The following TBC1D13 variants were observed in gnomAD, a reference collection of about 807,000 sequenced individuals.
The protein encoded by TBC1D13 is TBC1 domain family member 13.
TBC1D13 carries 40 observed loss-of-function variants against 53.6 expected under a neutral mutation model. That is an observed-to-expected ratio of 0.75 (90% CI 0.58 to 0.97). TBC1D13 has a LOEUF of 0.97. Among genes scored for constraint, TBC1D13 ranks in the 50% least tolerant of loss-of-function variants. The probability of loss-of-function intolerance (pLI) is 0.00; values close to 1 mark genes in which losing one functional copy is unlikely to be tolerated. For missense variants in TBC1D13, 377 were observed against 499.4 expected (o/e 0.75, Z 2.34); for synonymous variants, 182 against 197.7 (o/e 0.92, Z 0.67).
chr9:128,806,173 G>A (rs1829829033), intron 10 of TBC1D13, 81 bp from the exon 11 acceptor site: 2 of 1,607,696 alleles, frequency 1.2e-6, no homozygotes, highest in Non-Finnish European at 1.7e-6. Flanking sequence ...CCAAACTTGA[G>A]GTGGGTAGGG....
chr9:128,795,511 A>C lies in TBC1D13; in HGVS notation c.384-1544A>C, dbSNP rs561502820. ...AGTCTCACTCTGTCACCCAGGCTGG[A>C]GTGCGGTGGCACGATCTTGGCTCAC... On this transcript the variant is annotated intron_variant, in intron 6 of 11. Transcript: ENST00000372648. Among the ~76,000 whole-genome samples, 27 of 125,114 alleles carry C rather than the reference A, an allele frequency of 2.2e-4. No individual in the cohort carries two copies. The East Asian group carries it at 6.1e-3, about 28-fold the overall frequency. 82.1% of individuals were successfully genotyped at this position (125,114 alleles called of 152,430 possible).
At chr9:128,791,085 A>G (rs1276685645) in intron 3 of TBC1D13, among the ~76,000 whole-genome samples, 4 of 152,196 alleles carry the variant, frequency 2.6e-5, no homozygotes, top group Admixed American at 6.5e-5. Context: ...TCAGGTGGCC[A>G]TGGAAGCCCA....
Position 128,808,454 on chromosome 9 carries a change from T to TGTGTGTGTGTTA in TBC1D13, c.*577_*578insGTGTGTGTTAGT, listed in dbSNP as rs1829884704. On this transcript the variant is annotated 3_prime_UTR_variant, in exon 12 of 12. Transcript: ENST00000372648. ...GTGTGTGTGTGTGTGTGTGTGTGTG[T>TGTGTGTGTGTTA]GTTAGGGAGTGAGGGTCTCTCAGGC... 5.9e-6 allele frequency: 1 copy of TGTGTGTGTGTTA among 168,252 alleles called. No individual in the cohort carries two copies. Among genetic ancestry groups the TGTGTGTGTGTTA allele is most frequent in the African/African-American group, 2.4e-5 (1 of 41,136 alleles). The allele number at this position is 168,252 out of a possible 1,614,324, so 10.4% of individuals were successfully genotyped here. A position where few individuals can be genotyped will look rare whatever the true frequency, so the allele number is the denominator to read the frequency against.
chr9:128,803,491 G>C, intron 8 of TBC1D13, 31 bp downstream of exon 8: 1 of 1,605,692 alleles, frequency 6.2e-7, no homozygotes, highest in African/African-American at 1.3e-5. Flanking sequence ...CACATCCCTC[G>C]TTGCTGGCCC....
rs1336434456 is a variant in TBC1D13, at chr9:128,797,124, C to G, written c.453C>G (p.Pro151=). 2.5e-6 allele frequency: 4 copies of G among 1,614,060 alleles called. No individual in the cohort carries two copies. In the South Asian group the frequency reaches 4.4e-5, roughly 18 times the overall value. ...ACCCTTGCCTCCTCATCCTGGACCC[C>G]CAGAATGAGTTTGAAACCCTTCGTA... is the stretch of plus-strand genomic sequence containing the variant. ...TDYPCLLILD[P]QNEFETLRKR... The change falls in exon 7 of 12, where the codon CCC becomes CCG. Residue 151 remains proline, a synonymous_variant. Transcript: ENST00000372648.
Position 128,808,284 on chromosome 9 carries a change from C to T in TBC1D13, c.*405C>T, listed in dbSNP as rs546216769. The stretch of plus-strand genomic sequence containing the variant: ...CAATGGGCCAGAAACCGCTTCTGAG[C>T]GGGGCACTTCGGCTGCTCCACAGGG... On this transcript the variant is annotated 3_prime_UTR_variant, in exon 12 of 12. Transcript: ENST00000372648. 3 of 235,106 alleles carry T rather than the reference C, an allele frequency of 1.3e-5. No homozygotes were observed. The highest frequency in any genetic ancestry group is 7.0e-5 in the South Asian group (1 of 14,304). 14.6% of individuals were successfully genotyped at this position (235,106 alleles called of 1,614,324 possible).
chr9:128,791,779 G>A, intron 5 of TBC1D13, 86 bp downstream of exon 5: 1 of 1,161,698 alleles, frequency 8.6e-7, no homozygotes, highest in East Asian at 2.4e-5. Context: ...CTGCATGCCA[G>A]GGGGTAGGTG....
intron 6 of TBC1D13, among the ~76,000 whole-genome samples, chr9:128,796,016 A>G (rs994082405): frequency 4.6e-5 from 7 of 152,260 alleles, no homozygotes; most frequent in Admixed American, 1.3e-4. Context: ...AAATGTGGGC[A>G]TGTATACATA....
At chr9:128,799,326 C>T (rs1051595909) in intron 7 of TBC1D13, among the ~76,000 whole-genome samples, 3 of 152,184 alleles carry the variant, frequency 2.0e-5, no homozygotes, top group South Asian at 2.1e-4. Context: ...CCTCTGGGTT[C>T]GTGATTGGGC....
chr9:128,807,592 C>G (rs1308042592), intron 11 of TBC1D13, among the ~76,000 whole-genome samples: 1 of 152,162 alleles, frequency 6.6e-6, no homozygotes, highest in Non-Finnish European at 1.5e-5. Flanking sequence ...GCCGCAAGAG[C>G]CTGGGAGTGG....
intron 6 of TBC1D13, among the ~76,000 whole-genome samples, chr9:128,795,307 GTT>G (rs1391300946): frequency 1.3e-5 from 2 of 149,782 alleles, no homozygotes; most frequent in Non-Finnish European, 3.0e-5. Flanking sequence ...CAACCTCCGG[GTT>G]CCAGTGATTT....
rs1284147459 is a variant in TBC1D13, at chr9:128,787,314, C to G, written c.-40C>G. ...GGCGGCAGCGCAGGCGGCAGAGGCGCAGGCGGCGGAGGCGGCTGGGGGGTC... is the reference window on the plus strand; with the variant it reads ...GGCGGCAGCGCAGGCGGCAGAGGCGGAGGCGGCGGAGGCGGCTGGGGGGTC... On this transcript the variant is annotated 5_prime_UTR_variant, in exon 1 of 12. Coordinates refer to ENST00000372648, the MANE Select transcript of TBC1D13 (RefSeq NM_018201.5). 8.0e-7 allele frequency: 1 copy of G among 1,255,740 alleles called. No individual in the cohort carries two copies. Among genetic ancestry groups the G allele is most frequent in the Admixed American group, 4.2e-5 (1 of 23,788 alleles). 77.8% of individuals were successfully genotyped at this position (1,255,740 alleles called of 1,614,324 possible). A position where few individuals can be genotyped will look rare whatever the true frequency, so the allele number is the denominator to read the frequency against.
intron 11 of TBC1D13, among the ~76,000 whole-genome samples, chr9:128,806,956 C>T (rs1829846053): frequency 6.6e-6 from 1 of 151,404 alleles, no homozygotes; most frequent in African/African-American, 2.4e-5. Context: ...AAAAAAAGAA[C>T]ATGGGCTCAA....
At chr9:128,792,233 G>A (rs1267979596) in intron 5 of TBC1D13, among the ~76,000 whole-genome samples, 2 of 152,208 alleles carry the variant, frequency 1.3e-5, no homozygotes, top group Non-Finnish European at 2.9e-5. Context: ...GACAGAAAAG[G>A]AACAGAGTCC....
At chr9:128,805,794 G>C (rs73669975) in intron 9 of TBC1D13, 65 bp from the exon 10 acceptor site, 5 of 1,554,796 alleles carry the variant, frequency 3.2e-6, no homozygotes, top group Middle Eastern at 1.9e-4. Context: ...GACCCACTGC[G>C]TGGTGCTCCA....
At position 128,795,437 on chromosome 9, in the gene TBC1D13, CTTTTTTTTTTTTTTTTT is replaced by C. The variant is rs539392878; in HGVS notation, c.384-1593_384-1577del. ...CCGTGTTAGCTAGGATGGTCACCAT[CTTTTTTTTTTTTTTTTT>C]TTTTTTTTTTTTTTTTTTTTTTTTG... On this transcript the variant is annotated intron_variant, in intron 6 of 11. Transcript: ENST00000372648. Among the ~76,000 whole-genome samples, 121 of 57,828 alleles carry C rather than the reference CTTTTTTTTTTTTTTTTT, an allele frequency of 2.1e-3. 1 individual carries two copies. The highest frequency in any genetic ancestry group is 0.021 in the South Asian group (23 of 1,100). The allele number at this position is 57,828 out of a possible 152,430, so 37.9% of individuals were successfully genotyped here. A position where few individuals can be genotyped will look rare whatever the true frequency, so the allele number is the denominator to read the frequency against.
chr9:128,807,473 C>T (rs13284441), intron 11 of TBC1D13, among the ~76,000 whole-genome samples: 44,208 of 152,074 alleles, frequency 0.29, 7,078 homozygotes, highest in African/African-American at 0.43. Context: ...TGGGACTTCG[C>T]GCTGATGCTC....
intron 11 of TBC1D13, among the ~76,000 whole-genome samples, chr9:128,806,548 G>A (rs968428863): frequency 2.6e-4 from 40 of 152,222 alleles, no homozygotes; most frequent in African/African-American, 8.9e-4. Context: ...TGTACTCTAC[G>A]TAGGTGTTCA....
intron 1 of TBC1D13, among the ~76,000 whole-genome samples, chr9:128,788,033 A>C (rs555254407): frequency 6.6e-6 from 1 of 152,300 alleles, no homozygotes. Context: ...CTCACTAAGT[A>C]TTAGAATGTT....
Sources: allele counts gnomAD v4.1 joint callset (sites outside exome capture counted in the v4.1 genomes callset), GRCh38; gene constraint gnomAD v4.1.1; transcripts MANE v1.5; gene names NCBI Gene and HGNC (gene_info 2026-07-23, HGNC 2026-07-21).